THSD4: variants seen among roughly 807,000 people sequenced by gnomAD.
THSD4 encodes thrombospondin type-1 domain-containing protein 4.
In THSD4, 69 loss-of-function variants were observed where a neutral mutation model predicts 119.0. That is an observed-to-expected ratio of 0.58 (90% CI 0.48 to 0.71). The LOEUF (loss-of-function observed/expected upper bound fraction) is 0.71. Ranked by LOEUF, THSD4 falls within the 30% of genes least tolerant of loss-of-function variation. The pLI, the probability that THSD4 is intolerant of heterozygous loss-of-function variation, is 0.00. For missense variants in THSD4, 1,393 were observed against 1,391.1 expected (o/e 1.00, Z -0.02); for synonymous variants, 524 against 540.4 (o/e 0.97, Z 0.42).
At chr15:71,442,640 G>GTA (rs1244057874) in intron 7 of THSD4, among the ~76,000 whole-genome samples, 2 of 10,808 alleles carry the variant, frequency 1.9e-4, no homozygotes, top group African/African-American at 4.0e-4. Context: ...GTATGTGTGT[G>GTA]TATATGTGTG....
chr15:71,685,465 A>G (rs1010375909), intron 8 of THSD4, among the ~76,000 whole-genome samples: 3 of 152,148 alleles, frequency 2.0e-5, no homozygotes, highest in African/African-American at 7.2e-5. Context: ...ATACAGTAAC[A>G]GTTTTTTTAA....
intron 7 of THSD4, among the ~76,000 whole-genome samples, chr15:71,455,528 C>T (rs907349557): frequency 6.6e-6 from 1 of 152,140 alleles, no homozygotes; most frequent in Admixed American, 6.5e-5. Flanking sequence ...TCCAGGGCAG[C>T]TTGTCTCTTG....
intron 7 of THSD4, among the ~76,000 whole-genome samples, chr15:71,629,234 C>G (rs1011166789): frequency 5.3e-5 from 8 of 152,224 alleles, no homozygotes; most frequent in African/African-American, 1.9e-4. Flanking sequence ...GAGACCCGCA[C>G]TGTCTGCCCA....
chr15:71,111,793 C>G (rs2040307202), upstream of THSD4: 6 of 520,322 alleles, frequency 1.2e-5, no homozygotes, highest in East Asian at 1.9e-4. Context: ...GGACACAATT[C>G]TCTGAAGCAC....
chr15:71,638,779 C>T (rs1011084126), intron 7 of THSD4, among the ~76,000 whole-genome samples: 3 of 152,142 alleles, frequency 2.0e-5, no homozygotes, highest in African/African-American at 7.2e-5. Context: ...AAGTTCTGCA[C>T]CAATCAGAAT....
chr15:71,522,027 T>C (rs2048448949), intron 7 of THSD4, among the ~76,000 whole-genome samples: 1 of 152,228 alleles, frequency 6.6e-6, no homozygotes, highest in Non-Finnish European at 1.5e-5. Flanking sequence ...AATGTACTAA[T>C]ATAAAATATT....
At chr15:71,194,061 C>G (rs2043699101) in intron 3 of THSD4, among the ~76,000 whole-genome samples, 2 of 152,194 alleles carry the variant, frequency 1.3e-5, no homozygotes, top group Non-Finnish European at 2.9e-5. Context: ...GGCTCTCACT[C>G]TCTCTTGCCT....
At chr15:71,452,006 G>C (rs2047271886) in intron 7 of THSD4, among the ~76,000 whole-genome samples, 1 of 152,146 alleles carries the variant, frequency 6.6e-6, no homozygotes, top group African/African-American at 2.4e-5. Context: ...GTGGACTCCA[G>C]CCTTCCCTCA....
At chr15:71,295,195 T>C (rs1337341535) in intron 6 of THSD4, among the ~76,000 whole-genome samples, 3 of 152,138 alleles carry the variant, frequency 2.0e-5, no homozygotes, top group African/African-American at 7.2e-5. Context: ...GGTCCTGCAG[T>C]GATCCTGGGA....
At chr15:71,301,193 A>G (rs950033489) in intron 6 of THSD4, among the ~76,000 whole-genome samples, 3 of 152,326 alleles carry the variant, frequency 2.0e-5, no homozygotes, top group South Asian at 2.1e-4. Flanking sequence ...CAGTTTCACC[A>G]CTCAGAAATA....
intron 7 of THSD4, among the ~76,000 whole-genome samples, chr15:71,448,054 T>G (rs1034023976): frequency 6.6e-6 from 1 of 152,222 alleles, no homozygotes; most frequent in African/African-American, 2.4e-5. Flanking sequence ...GGCACAGATC[T>G]GGTTTTACGG....
At chr15:71,249,541 A>G (rs2044239289) in intron 5 of THSD4, among the ~76,000 whole-genome samples, 1 of 151,410 alleles carries the variant, frequency 6.6e-6, no homozygotes, top group African/African-American at 2.4e-5. Context: ...TATATACACA[A>G]GAATTGTTAA....
intron 5 of THSD4, among the ~76,000 whole-genome samples, chr15:71,251,080 A>G (rs2044254854): frequency 6.6e-6 from 1 of 152,188 alleles, no homozygotes; most frequent in Non-Finnish European, 1.5e-5. Flanking sequence ...GGAGGTGGCA[A>G]AGGTTTTTGT....
At chr15:71,442,971 G>A (rs1048679157) in intron 7 of THSD4, among the ~76,000 whole-genome samples, 7 of 151,598 alleles carry the variant, frequency 4.6e-5, no homozygotes, top group East Asian at 3.9e-4. Flanking sequence ...CGAACCCTCC[G>A]ATAAACCATG....
At chr15:71,704,967 C>T (rs1205235775) in intron 8 of THSD4, among the ~76,000 whole-genome samples, 1 of 152,162 alleles carries the variant, frequency 6.6e-6, no homozygotes, top group Non-Finnish European at 1.5e-5. Flanking sequence ...TTTGGGCCTT[C>T]AAATCAGAGA....
At chr15:71,100,670 A>G (rs1296599286) in intron 1 of THSD4, among the ~76,000 whole-genome samples, 2 of 152,126 alleles carry the variant, frequency 1.3e-5, no homozygotes, top group African/African-American at 4.8e-5. Flanking sequence ...ATGTGTTTAT[A>G]CCATTTAAAT....
intron 7 of THSD4, among the ~76,000 whole-genome samples, chr15:71,476,603 T>C (rs1267105354): frequency 6.6e-6 from 1 of 152,168 alleles, no homozygotes; most frequent in African/African-American, 2.4e-5. Flanking sequence ...TTTCCAGTGT[T>C]CCAGATTGGC....
intron 6 of THSD4, among the ~76,000 whole-genome samples, chr15:71,262,072 G>A (rs1323124772): frequency 1.3e-5 from 2 of 152,162 alleles, no homozygotes; most frequent in African/African-American, 2.4e-5. Context: ...GTTTTGTTTG[G>A]ATGTCTACTG....
chr15:71,155,206 C>T (rs1311933047), intron 3 of THSD4, among the ~76,000 whole-genome samples: 1 of 152,124 alleles, frequency 6.6e-6, no homozygotes, highest in African/African-American at 2.4e-5. Context: ...CTGTGGAGGC[C>T]TCAGGAAACT....
Sources: allele counts gnomAD v4.1 joint callset (sites outside exome capture counted in the v4.1 genomes callset), GRCh38; gene constraint gnomAD v4.1.1; transcripts MANE v1.5; gene names NCBI Gene and HGNC (gene_info 2026-07-23, HGNC 2026-07-21).